Variants in DLGAP2 observed in about 807,000 individuals in gnomAD.
The protein encoded by DLGAP2 is DLG associated protein 2.
Under a neutral mutation model 100.3 loss-of-function variants are expected in DLGAP2, and 26 were observed. The observed-to-expected ratio is 0.26, with a 90% confidence interval of 0.19 to 0.36. The LOEUF (loss-of-function observed/expected upper bound fraction) is 0.36, where lower values mean the gene tolerates loss of function less well. DLGAP2 is among the 10% of genes least tolerant of loss of function. DLGAP2 has a pLI of 1.00. For synonymous variants in DLGAP2, 886 were observed against 630.1 expected (o/e 1.41, Z -6.08); for missense variants, 1,858 against 1,453.2 (o/e 1.28, Z -4.53).
chr8:1,255,134 CGCTGAGTGTGTGTCCTCTCCTGCCCGGGT>C (rs1799162813), intron 2 of DLGAP2, among the ~76,000 whole-genome samples: 3 of 79,820 alleles, frequency 3.8e-5, no homozygotes, highest in South Asian at 4.9e-4. Context: ...CCTGCCCGGG[CGCTGAGTGTGTGTCCTCTCCTGCCCGGGT>C]GCTGTGTGTG....
At chr8:903,696 G>C (rs1316121725) in intron 1 of DLGAP2, among the ~76,000 whole-genome samples, 1 of 152,104 alleles carries the variant, frequency 6.6e-6, no homozygotes, top group Non-Finnish European at 1.5e-5. Flanking sequence ...TCTCCCGCCC[G>C]CACCCCGGTG....
In DLGAP2 at chr8:1,701,953, G is replaced by C. The variant is rs1255904307; in HGVS notation, c.*547G>C. ...CCGCTCCGCTCCCCTGCTCCTGTCT[G>C]TCTCGGACAGAAAACACGAGGCTCC... On this transcript the variant is annotated 3_prime_UTR_variant, in exon 15 of 15. Coordinates refer to ENST00000637795, the MANE Select transcript of DLGAP2 (RefSeq NM_001346810.2). The C allele has an allele frequency of 6.6e-6, 1 of 152,260 alleles. No individual in the cohort carries two copies. The highest frequency in any genetic ancestry group is 6.6e-5 in the Admixed American group (1 of 15,266). 9.4% of individuals were successfully genotyped at this position (152,260 alleles called of 1,614,324 possible).
chr8:972,663 G>A (rs954063378), intron 2 of DLGAP2, among the ~76,000 whole-genome samples: 9 of 142,990 alleles, frequency 6.3e-5, no homozygotes, highest in African/African-American at 1.0e-4. Context: ...TGTGTTTCTC[G>A]CAGAGGGGGA....
chr8:1,501,034 A>T (rs914504840), intron 3 of DLGAP2, among the ~76,000 whole-genome samples: 7 of 152,226 alleles, frequency 4.6e-5, no homozygotes, highest in African/African-American at 1.7e-4. Flanking sequence ...GACTGATTTT[A>T]CTCAAGTCTG....
chr8:1,118,549 G>GGCTGCTGCTGCTGCTGCTGCT (rs367619218), intron 2 of DLGAP2, among the ~76,000 whole-genome samples: 13 of 151,700 alleles, frequency 8.6e-5, no homozygotes, highest in Middle Eastern at 3.4e-3. Context: ...AAATGAATGG[G>GGCTGCTGCTGCTGCTGCTGCT]GCTGCTGCTG....
At chr8:1,665,918 G>T (rs954391156) in intron 8 of DLGAP2, among the ~76,000 whole-genome samples, 8 of 152,198 alleles carry the variant, frequency 5.3e-5, no homozygotes, top group African/African-American at 1.9e-4. Context: ...CCACCCGCGG[G>T]CTCTCTGACC....
intron 3 of DLGAP2, among the ~76,000 whole-genome samples, chr8:1,447,210 T>G (rs1798005492): frequency 6.6e-6 from 1 of 152,256 alleles, no homozygotes; most frequent in Admixed American, 6.5e-5. Context: ...GCCCATTCAG[T>G]ATAATATTGC....
In DLGAP2 at chr8:783,573, G is replaced by A. The variant is rs148452685; in HGVS notation, c.18+45748G>A. 8.7e-3 allele frequency among the ~76,000 whole-genome samples: 1,324 copies of A among 152,244 alleles called. 86 individuals carry two copies. The highest frequency in any genetic ancestry group is 0.08 in the Admixed American group (1,224 of 15,304). On this transcript the variant is annotated intron_variant, in intron 1 of 14. Transcript: ENST00000637795. ...AGTGGCACATCAGGTTTCTTATAGG[G>A]GCTGTGATATGAGATGGTTTTAAGG...
chr8:1,446,870 C>T (rs1320435757), intron 3 of DLGAP2, among the ~76,000 whole-genome samples: 10 of 152,174 alleles, frequency 6.6e-5, no homozygotes, highest in African/African-American at 2.4e-4. Flanking sequence ...AATGGGAGTT[C>T]ACTCATGATT....
chr8:998,189 C>T (rs918965575), intron 2 of DLGAP2, among the ~76,000 whole-genome samples: 1 of 152,240 alleles, frequency 6.6e-6, no homozygotes, highest in African/African-American at 2.4e-5. Context: ...TGTGCATGCA[C>T]ACATAAATAC....
At chr8:840,609 C>T (rs1486972564) in intron 1 of DLGAP2, among the ~76,000 whole-genome samples, 1 of 73,706 alleles carries the variant, frequency 1.4e-5, no homozygotes. Context: ...CTGGATTCTG[C>T]GAGCGCGTCC....
intron 2 of DLGAP2, among the ~76,000 whole-genome samples, chr8:1,040,886 C>A (rs1043776199): frequency 2.0e-5 from 3 of 152,146 alleles, no homozygotes; most frequent in Non-Finnish European, 2.9e-5. Flanking sequence ...CAGCACGCAC[C>A]CTCATTCCTG....
chr8:1,037,361 T>C (rs1802159378), intron 2 of DLGAP2, among the ~76,000 whole-genome samples: 1 of 152,160 alleles, frequency 6.6e-6, no homozygotes, highest in Non-Finnish European at 1.5e-5. Flanking sequence ...TAGAATCTGC[T>C]GTTCCGCCTC....
At chr8:1,212,195 G>A (rs58347645) in intron 2 of DLGAP2, among the ~76,000 whole-genome samples, 3,956 of 152,212 alleles carry the variant, frequency 0.026, 162 homozygotes, top group African/African-American at 0.09. Context: ...TCATGTTCAT[G>A]ATCTTTCAAT....
At chr8:855,614 C>T (rs1376901921) in intron 1 of DLGAP2, among the ~76,000 whole-genome samples, 1 of 152,070 alleles carries the variant, frequency 6.6e-6, no homozygotes, top group Non-Finnish European at 1.5e-5. Context: ...GCTTCAGGTG[C>T]CTGAGAGTGA....
chr8:1,355,630 T>A (rs559320128), intron 3 of DLGAP2, among the ~76,000 whole-genome samples: 16 of 152,268 alleles, frequency 1.1e-4, no homozygotes, highest in African/African-American at 3.6e-4. Flanking sequence ...CCCAGGGTGC[T>A]GGGATTATAG....
At chr8:1,166,612 T>G (rs1182590851) in intron 2 of DLGAP2, among the ~76,000 whole-genome samples, 1 of 152,188 alleles carries the variant, frequency 6.6e-6, no homozygotes, top group African/African-American at 2.4e-5. Flanking sequence ...ATTTTATCCT[T>G]TCTAAGAATA....
rs867135853 is a variant in DLGAP2, at chr8:990,160, T to C, written c.73+82194T>C. Among the ~76,000 whole-genome samples the C allele has an allele frequency of 7.4e-3, 1,128 of 152,170 alleles. 18 individuals are homozygous for C. The highest frequency in any genetic ancestry group is 0.026 in the African/African-American group (1,077 of 41,474). On this transcript the variant is annotated intron_variant, in intron 2 of 14. Coordinates refer to ENST00000637795, the MANE Select transcript of DLGAP2 (RefSeq NM_001346810.2). ...GATGATTTGAGCTCCATCCATGGTG[T>C]TGTTTGTATTAGTGGTCCATTCTTT...
At chr8:1,640,527 C>G (rs978125700) in intron 8 of DLGAP2, among the ~76,000 whole-genome samples, 1 of 152,178 alleles carries the variant, frequency 6.6e-6, no homozygotes, top group African/African-American at 2.4e-5. Context: ...TTGTCATGAT[C>G]CCCATTAGAA....
Sources: gnomAD v4.1 joint callset for allele counts (sites outside exome capture counted in the v4.1 genomes callset) on GRCh38, gnomAD v4.1.1 for gene constraint, MANE v1.5 for transcripts, NCBI Gene and HGNC (gene_info 2026-07-23, HGNC 2026-07-21) for gene names.